The following FAM168A variants were observed in gnomAD, a reference collection of about 807,000 sequenced individuals.
FAM168A encodes protein FAM168A.
FAM168A carries 3 observed loss-of-function variants against 28.5 expected under a neutral mutation model. The observed-to-expected ratio is 0.11, with a 90% CI of 0.05 to 0.27. The LOEUF is 0.27. FAM168A is among the 10% of genes least tolerant of loss of function. The pLI is 1.00. For missense variants in FAM168A, 222 were observed against 311.5 expected, an observed-to-expected ratio of 0.71 and a Z score of 2.16; for synonymous variants, 122 against 124.2, an observed-to-expected ratio of 0.98 and a Z score of 0.12.
intron 1 of FAM168A, among the ~76,000 whole-genome samples, chr11:73,534,303 G>GA (rs1177718228): frequency 6.6e-6 from 1 of 151,912 alleles, no homozygotes; most frequent in African/African-American, 2.4e-5. Flanking sequence ...TCAGCAGTGG[G>GA]AAAAAACAAA....
chr11:73,533,819 A>G (rs1433384840), intron 1 of FAM168A, among the ~76,000 whole-genome samples: 1 of 152,246 alleles, frequency 6.6e-6, no homozygotes, highest in Non-Finnish European at 1.5e-5. Flanking sequence ...CACTCAAAAC[A>G]GTAAACTTTT....
At chr11:73,482,995 C>T (rs1168831537) in intron 1 of FAM168A, among the ~76,000 whole-genome samples, 1 of 152,160 alleles carries the variant, frequency 6.6e-6, no homozygotes, top group East Asian at 1.9e-4. Context: ...CCACCTCAGC[C>T]TCCCAAAGTG....
chr11:73,525,187 A>C (rs538091037), intron 1 of FAM168A, among the ~76,000 whole-genome samples: 24 of 152,170 alleles, frequency 1.6e-4, no homozygotes, highest in Non-Finnish European at 3.2e-4. Flanking sequence ...CTCAAATATC[A>C]GGTGATCTTT....
Position 73,462,889 on chromosome 11 carries a change from G to GGAGAA in FAM168A, c.70+5511_70+5515dup, listed in dbSNP as rs957922094. ...AGAAAAGAGAAGAGAAGAGAGGAGA[G>GGAGAA]GAGAAGAGAAGAGAAGAGAGGAGAG... is the stretch of plus-strand genomic sequence containing the variant. On this transcript the variant is annotated intron_variant, in intron 2 of 7. Transcript: ENST00000356467. Among the ~76,000 whole-genome samples the GGAGAA allele has an allele frequency of 5.9e-4, 86 of 146,780 alleles. 1 individual carries two copies. The highest frequency in any genetic ancestry group is 1.1e-3 in the South Asian group (5 of 4,606).
At chr11:73,443,780 A>G (rs1867248382) in intron 2 of FAM168A, among the ~76,000 whole-genome samples, 1 of 152,234 alleles carries the variant, frequency 6.6e-6, no homozygotes. Context: ...GATATTTTAA[A>G]AAATAGACAC....
intron 1 of FAM168A, among the ~76,000 whole-genome samples, chr11:73,531,644 A>G (rs1161588182): frequency 6.6e-6 from 1 of 152,072 alleles, no homozygotes; most frequent in African/African-American, 2.4e-5. Context: ...TTACTCTCCA[A>G]TTCTAACTGA....
intron 1 of FAM168A, chr11:73,510,599 G>C (rs914499531): frequency 3.8e-6 from 1 of 263,452 alleles, no homozygotes; most frequent in Non-Finnish European, 7.2e-6. Context: ...TCTCAGCTTT[G>C]ATATTCTGTG....
At chr11:73,540,004 T>C (rs1943634642) in intron 1 of FAM168A, among the ~76,000 whole-genome samples, 1 of 152,234 alleles carries the variant, frequency 6.6e-6, no homozygotes, top group Admixed American at 6.5e-5. Flanking sequence ...CCATAATAAA[T>C]GAATATATCG....
chr11:73,565,847 G>C lies in FAM168A; in HGVS notation c.-19+32076C>G, dbSNP rs148930309. ...TTAAGAGGATTCCACTGTTTCACCAGGCTCTTGCGGCATCCAATTAAGTAA... is the reference window on the plus strand; with the variant it reads ...TTAAGAGGATTCCACTGTTTCACCACGCTCTTGCGGCATCCAATTAAGTAA... On this transcript the variant is annotated intron_variant, in intron 1 of 7. Coordinates refer to ENST00000356467, the MANE Select transcript of FAM168A (RefSeq NM_015159.3). 5.3e-4 allele frequency among the ~76,000 whole-genome samples: 80 copies of C among 152,284 alleles called. 2 individuals are homozygous for C. The East Asian group carries it at 0.014, about 26-fold the overall frequency.
chr11:73,463,125 C>T (rs1360973707), intron 2 of FAM168A, among the ~76,000 whole-genome samples: 15 of 151,712 alleles, frequency 9.9e-5, no homozygotes, highest in African/African-American at 2.9e-4. Context: ...TGCGCCACCA[C>T]ATCTGGTTAT....
At chr11:73,510,664 C>T (rs1855204339) in intron 1 of FAM168A, 1 of 320,666 alleles carries the variant, frequency 3.1e-6, no homozygotes. Flanking sequence ...GGGGTACATC[C>T]TACCAGGATT....
chr11:73,556,415 A>G (rs1403498191), intron 1 of FAM168A, among the ~76,000 whole-genome samples: 1 of 151,090 alleles, frequency 6.6e-6, no homozygotes, highest in African/African-American at 2.4e-5. Context: ...AATAATAATA[A>G]TAATAATTTA....
At chr11:73,503,231 T>C (rs764185638) in intron 1 of FAM168A, among the ~76,000 whole-genome samples, 2 of 152,210 alleles carry the variant, frequency 1.3e-5, no homozygotes, top group Non-Finnish European at 2.9e-5. Flanking sequence ...GAAGACAACA[T>C]GATTTTATAT....
chr11:73,470,272 T>TGGCATTGTTGCTATCATCAATGA (rs1340845292), intron 1 of FAM168A, among the ~76,000 whole-genome samples: 7 of 152,216 alleles, frequency 4.6e-5, no homozygotes, highest in Admixed American at 4.6e-4. Flanking sequence ...ACAATGATGA[T>TGGCATTGTTGCTATCATCAATGA]GTGGCAATGT....
intron 1 of FAM168A, among the ~76,000 whole-genome samples, chr11:73,540,051 T>C (rs1451171502): frequency 6.6e-6 from 1 of 152,240 alleles, no homozygotes; most frequent in African/African-American, 2.4e-5. Flanking sequence ...CTGCTATTTT[T>C]GTACCTACTC....
Position 73,542,877 on chromosome 11 carries a change from C to T in FAM168A, c.-19+55046G>A, listed in dbSNP as rs536907198. On this transcript the variant is annotated intron_variant, in intron 1 of 7. Coordinates refer to ENST00000356467, the MANE Select transcript of FAM168A (RefSeq NM_015159.3). ...CAAGAAGAATATGCAAGCCTTGGAT[C>T]GCTTAAGCTGAACAACGGGAAAATT... 2.0e-4 allele frequency among the ~76,000 whole-genome samples: 31 copies of T among 152,284 alleles called. No homozygotes were observed. The South Asian group carries it at 3.5e-3, about 17-fold the overall frequency.
intron 1 of FAM168A, among the ~76,000 whole-genome samples, chr11:73,545,683 C>CTTTTTTTTT (rs966309670): frequency 1.9e-5 from 2 of 105,172 alleles, no homozygotes; most frequent in African/African-American, 3.9e-5. Context: ...ATACTATATA[C>CTTTTTTTTT]TTTTTTTTTT....
At chr11:73,453,754 C>T (rs1867475349) in intron 2 of FAM168A, among the ~76,000 whole-genome samples, 1 of 152,188 alleles carries the variant, frequency 6.6e-6, no homozygotes, top group Admixed American at 6.5e-5. Flanking sequence ...AGGCTCTCCC[C>T]ACTACATTAC....
chr11:73,594,135 T>G (rs1027068352), intron 1 of FAM168A, among the ~76,000 whole-genome samples: 3 of 152,184 alleles, frequency 2.0e-5, no homozygotes, highest in African/African-American at 4.8e-5. Context: ...GGTCTCATTC[T>G]GTAACCCAGA....
Sources: allele counts gnomAD v4.1 joint callset (sites outside exome capture counted in the v4.1 genomes callset), GRCh38; gene constraint gnomAD v4.1.1; transcripts MANE v1.5; gene names NCBI Gene and HGNC (gene_info 2026-07-23, HGNC 2026-07-21).